The following IMMP2L variants were observed in gnomAD, a reference collection of about 807,000 sequenced individuals.
IMMP2L encodes inner mitochondrial membrane peptidase subunit 2, also known as mitochondrial inner membrane protease subunit 2.
IMMP2L carries 18 observed loss-of-function variants against 19.3 expected under a neutral mutation model. That is an observed-to-expected ratio of 0.93 (90% CI 0.64 to 1.38). IMMP2L has a LOEUF of 1.38. Among genes scored for constraint, IMMP2L ranks in the 40% most tolerant of loss-of-function variants. The pLI, the probability that IMMP2L is intolerant of heterozygous loss-of-function variation, is 0.00. For synonymous variants in IMMP2L, 76 were observed against 73.0 expected, an observed-to-expected ratio of 1.04 and a Z score of -0.21; for missense variants, 233 against 218.2, an observed-to-expected ratio of 1.07 and a Z score of -0.43.
chr7:111,026,971 A>G (rs1426308904), intron 3 of IMMP2L, among the ~76,000 whole-genome samples: 1 of 152,108 alleles, frequency 6.6e-6, no homozygotes, highest in Non-Finnish European at 1.5e-5. Context: ...CTTTTTCAAC[A>G]TAACTTGCTT....
intron 4 of IMMP2L, among the ~76,000 whole-genome samples, chr7:110,894,028 C>T (rs1032415592): frequency 6.6e-6 from 1 of 152,070 alleles, no homozygotes. Flanking sequence ...TCTCTTCCAC[C>T]AGGAGGTAGC....
At chr7:110,934,200 G>A (rs1379651991) in intron 4 of IMMP2L, among the ~76,000 whole-genome samples, 1 of 152,188 alleles carries the variant, frequency 6.6e-6, no homozygotes, top group East Asian at 1.9e-4. Flanking sequence ...TGTGGTCTGA[G>A]AGACTGCTTG....
chr7:111,298,563 AACAT>A, intron 3 of IMMP2L, among the ~76,000 whole-genome samples: 1 of 152,216 alleles, frequency 6.6e-6, no homozygotes, highest in African/African-American at 2.4e-5. Context: ...CAGGCTGGCC[AACAT>A]GGTGAAACCC....
rs562485150 is a variant in IMMP2L, at chr7:111,235,385, C to T, written c.239+251853G>A. ...ACTCGGGAGGCTGAGACAGGAGAAT[C>T]GCTTGAACTTGGGAAGTGGAGGTCG... On this transcript the variant is annotated intron_variant, in intron 3 of 5. Coordinates refer to ENST00000405709, the MANE Select transcript of IMMP2L (RefSeq NM_032549.4). 7.6e-4 allele frequency among the ~76,000 whole-genome samples: 116 copies of T among 151,846 alleles called. 1 individual carries two copies. Among genetic ancestry groups the T allele is most frequent in the African/African-American group, 2.6e-3 (108 of 41,406 alleles).
At chr7:111,008,905 C>A (rs2129562901) in intron 3 of IMMP2L, among the ~76,000 whole-genome samples, 1 of 152,134 alleles carries the variant, frequency 6.6e-6, no homozygotes, top group East Asian at 1.9e-4. Flanking sequence ...TAAACAAAAG[C>A]AGGAATATGA....
At chr7:110,911,567 C>A (rs536910408) in intron 4 of IMMP2L, among the ~76,000 whole-genome samples, 2 of 152,200 alleles carry the variant, frequency 1.3e-5, no homozygotes, top group African/African-American at 4.8e-5. Context: ...ATGCTAAGAA[C>A]TCCTAATAAT....
intron 3 of IMMP2L, among the ~76,000 whole-genome samples, chr7:111,176,877 C>T (rs1205981131): frequency 1.3e-5 from 2 of 151,832 alleles, no homozygotes. Flanking sequence ...GTATGAAATG[C>T]CATTTACTTA....
At chr7:111,201,485 G>T (rs185654200) in intron 3 of IMMP2L, among the ~76,000 whole-genome samples, 8 of 152,086 alleles carry the variant, frequency 5.3e-5, no homozygotes, top group East Asian at 1.9e-4. Flanking sequence ...GGAGGCTGAG[G>T]GGGGCAGACT....
At chr7:110,821,266 G>T (rs1420796994) in intron 5 of IMMP2L, among the ~76,000 whole-genome samples, 1 of 152,094 alleles carries the variant, frequency 6.6e-6, no homozygotes, top group Non-Finnish European at 1.5e-5. Flanking sequence ...AATCTAGGCA[G>T]TTTGGCTCAG....
chr7:111,187,876 C>T (rs1242900270), intron 3 of IMMP2L, among the ~76,000 whole-genome samples: 1 of 152,014 alleles, frequency 6.6e-6, no homozygotes, highest in African/African-American at 2.4e-5. Flanking sequence ...GAATCTGAGG[C>T]CTTAAGTACG....
At chr7:110,825,576 A>G (rs201927825) in intron 5 of IMMP2L, among the ~76,000 whole-genome samples, 1 of 152,200 alleles carries the variant, frequency 6.6e-6, no homozygotes, top group South Asian at 2.1e-4. Flanking sequence ...GACAAAAACA[A>G]GAAATGGGGA....
chr7:111,365,572 G>C (rs140232653), intron 3 of IMMP2L, among the ~76,000 whole-genome samples: 74 of 152,160 alleles, frequency 4.9e-4, no homozygotes, highest in Admixed American at 1.4e-3. Flanking sequence ...TTAATTGAAA[G>C]AAACTCAATA....
At chr7:111,117,895 A>G (rs1800084356) in intron 3 of IMMP2L, among the ~76,000 whole-genome samples, 1 of 152,104 alleles carries the variant, frequency 6.6e-6, no homozygotes, top group Non-Finnish European at 1.5e-5. Context: ...TATAATACAC[A>G]TAATAAAGTG....
intron 3 of IMMP2L, among the ~76,000 whole-genome samples, chr7:111,049,005 C>G (rs1792723620): frequency 6.6e-6 from 1 of 151,602 alleles, no homozygotes; most frequent in Non-Finnish European, 1.5e-5. Context: ...TAGAGACCAA[C>G]TTAAATATAT....
chr7:111,297,774 T>A lies in IMMP2L; in HGVS notation c.239+189464A>T, dbSNP rs1332905039. Among the ~76,000 whole-genome samples the A allele has an allele frequency of 1.3e-5, 2 of 151,950 alleles. 1 individual carries two copies. The highest frequency in any genetic ancestry group is 1.3e-4 in the Admixed American group (2 of 15,226). ...ATTCAAACAACAGCATAAATGAGTC[T>A]CAAAAACAAGCTGAACAAAAGAAAC... On this transcript the variant is annotated intron_variant, in intron 3 of 5. Coordinates refer to ENST00000405709, the MANE Select transcript of IMMP2L (RefSeq NM_032549.4).
chr7:110,831,343 C>T (rs946705291), intron 5 of IMMP2L, among the ~76,000 whole-genome samples: 1 of 152,090 alleles, frequency 6.6e-6, no homozygotes, highest in Admixed American at 6.6e-5. Flanking sequence ...CCCCTAGAAA[C>T]ATTCAGGTTC....
chr7:111,012,259 T>A (rs1292184252), intron 3 of IMMP2L, among the ~76,000 whole-genome samples: 1 of 152,178 alleles, frequency 6.6e-6, no homozygotes, highest in Admixed American at 6.6e-5. Context: ...AACAATGCAA[T>A]TATTTCCATT....
chr7:110,981,094 T>C (rs1360855895), intron 3 of IMMP2L, among the ~76,000 whole-genome samples: 1 of 152,166 alleles, frequency 6.6e-6, no homozygotes, highest in East Asian at 1.9e-4. Context: ...TTATTGAGTT[T>C]GCAAATTCTT....
intron 3 of IMMP2L, among the ~76,000 whole-genome samples, chr7:111,216,343 C>T (rs555704952): frequency 2.3e-4 from 35 of 152,196 alleles, no homozygotes; most frequent in African/African-American, 7.0e-4. Context: ...GGGAATAGTT[C>T]AAGATACATT....
Sources: gnomAD v4.1 joint callset for allele counts (sites outside exome capture counted in the v4.1 genomes callset) on GRCh38, gnomAD v4.1.1 for gene constraint, MANE v1.5 for transcripts, NCBI Gene and HGNC (gene_info 2026-07-23, HGNC 2026-07-21) for gene names.